The following MAS1 variants were observed in gnomAD, a reference collection of about 807,000 sequenced individuals.
MAS1 encodes the protein MAS1 proto-oncogene, G protein-coupled receptor, also known as proto-oncogene Mas.
For synonymous variants in MAS1, 163 were observed against 164.2 expected (o/e 0.99, Z 0.05); for missense variants, 387 against 409.7 (o/e 0.94, Z 0.48).
chr6:159,907,826 T>C lies in MAS1; in HGVS notation c.871T>C (p.Phe291Leu). 1.2e-6 allele frequency: 2 copies of C among 1,612,438 alleles called. No homozygotes were observed. The highest frequency in any genetic ancestry group is 1.7e-6 in the Non-Finnish European group (2 of 1,179,754). ...FFVGSSKKKR[F>L]KESLKVVLTR... ...TGTGGGAAGCAGTAAGAAGAAGAGA[T>C]TCAAGGAGTCCTTAAAAGTTGTTCT... is the stretch of plus-strand genomic sequence containing the variant. Residue 291 changes from phenylalanine to leucine, a missense_variant, in exon 3 of 3, where the codon TTC becomes CTC. Coordinates refer to ENST00000674077, the MANE Select transcript of MAS1 (RefSeq NM_002377.4).
chr6:159,909,462 C>T lies in MAS1; in HGVS notation c.*1529C>T, dbSNP rs1583216229. 1 of 152,178 alleles carries T rather than the reference C, an allele frequency of 6.6e-6. No individual in the cohort carries two copies. The highest frequency in any genetic ancestry group is 1.5e-5 in the Non-Finnish European group (1 of 68,042). The allele number at this position is 152,178 out of a possible 1,614,324, so 9.4% of individuals were successfully genotyped here. A position where few individuals can be genotyped will look rare whatever the true frequency, so the allele number is the denominator to read the frequency against. On this transcript the variant is annotated 3_prime_UTR_variant, in exon 3 of 3. Coordinates refer to ENST00000674077, the MANE Select transcript of MAS1 (RefSeq NM_002377.4). ...GGGGAGAGGAGTCTGTCCCCTCGAG[C>T]AAGGACCCCACTGCCAGCCAAGCTT... is the stretch of plus-strand genomic sequence containing the variant.
chr6:159,904,941 G>C (rs996821829), intron 2 of MAS1, among the ~76,000 whole-genome samples: 3 of 152,150 alleles, frequency 2.0e-5, no homozygotes, highest in Non-Finnish European at 4.4e-5. Context: ...GCTGGCCTCG[G>C]TCGCCTATTT....
At chr6:159,888,941 G>T (rs539700929), upstream of MAS1, among the ~76,000 whole-genome samples, 3 of 152,144 alleles carry the variant, frequency 2.0e-5, no homozygotes, top group Non-Finnish European at 4.4e-5. Flanking sequence ...TTTCTCTAAG[G>T]ATAAATCATT....
Position 159,891,262 on chromosome 6 carries a change from G to A in MAS1, c.-244+129G>A, listed in dbSNP as rs73781693. 5.0e-3 allele frequency among the ~76,000 whole-genome samples: 759 copies of A among 151,830 alleles called. 7 individuals carry two copies. The highest frequency in any genetic ancestry group is 0.018 in the African/African-American group (731 of 41,388). On this transcript the variant is annotated intron_variant, in intron 1 of 2. Coordinates refer to ENST00000674077, the MANE Select transcript of MAS1 (RefSeq NM_002377.4). ...GGTTTTTCTTTCTTTTATTTTTTTC[G>A]GTGTGTTAGATGTTTGCCGTTGGTG...
intron 2 of MAS1, among the ~76,000 whole-genome samples, chr6:159,901,066 C>A (rs1782816002): frequency 6.6e-6 from 1 of 152,200 alleles, no homozygotes. Flanking sequence ...TTGCAGAAGG[C>A]TGCCTTCTCC....
At chr6:159,897,116 C>T (rs1182127637) in intron 1 of MAS1, among the ~76,000 whole-genome samples, 4 of 152,190 alleles carry the variant, frequency 2.6e-5, no homozygotes, top group South Asian at 4.1e-4. Flanking sequence ...CCTTGTGATC[C>T]GCCCGCCTCG....
At chr6:159,906,233 G>A (rs547363452) in intron 2 of MAS1, among the ~76,000 whole-genome samples, 65 of 152,292 alleles carry the variant, frequency 4.3e-4, no homozygotes, top group South Asian at 2.1e-4. Context: ...ACGTACATAC[G>A]TCTTGTTAGG....
chr6:159,892,424 T>A (rs1405784442), intron 1 of MAS1, among the ~76,000 whole-genome samples: 1 of 152,172 alleles, frequency 6.6e-6, no homozygotes, highest in Non-Finnish European at 1.5e-5. Context: ...TGAGTTTTAT[T>A]GGCTTTTCTC....
intron 2 of MAS1, chr6:159,906,654 A>G: frequency 3.8e-6 from 1 of 262,182 alleles, no homozygotes; most frequent in Non-Finnish European, 7.3e-6. Flanking sequence ...CTAAGCCACA[A>G]GCACACAATG....
chr6:159,889,989 A>G (rs1344259917), upstream of MAS1, among the ~76,000 whole-genome samples: 1 of 152,078 alleles, frequency 6.6e-6, no homozygotes. Context: ...CTGCCTTCTT[A>G]CCCCTTTTGA....
At chr6:159,900,000 C>T (rs1413219385) in intron 2 of MAS1, among the ~76,000 whole-genome samples, 1 of 151,990 alleles carries the variant, frequency 6.6e-6, no homozygotes, top group East Asian at 1.9e-4. Context: ...GAGACGAGAT[C>T]GCGACACTGC....
intron 2 of MAS1, among the ~76,000 whole-genome samples, chr6:159,905,165 C>A (rs1290320850): frequency 6.6e-6 from 1 of 152,226 alleles, no homozygotes; most frequent in Non-Finnish European, 1.5e-5. Context: ...CTCCACCAGG[C>A]CGGCACTTTG....
In MAS1 at chr6:159,912,528, T is replaced by C. The variant is rs1782976131; in HGVS notation, c.*4595T>C. The C allele has an allele frequency of 1.3e-5, 2 of 152,240 alleles. No individual in the cohort carries two copies. The highest frequency in any genetic ancestry group is 4.1e-4 in the South Asian group (2 of 4,836). The allele number at this position is 152,240 out of a possible 1,614,324, so 9.4% of individuals were successfully genotyped here. A position where few individuals can be genotyped will look rare whatever the true frequency, so the allele number is the denominator to read the frequency against. On this transcript the variant is annotated 3_prime_UTR_variant, in exon 3 of 3. Coordinates refer to ENST00000674077, the MANE Select transcript of MAS1 (RefSeq NM_002377.4). ...GAGGTGGGAGCAATCAAGTATTTGCTTGCTTGATTCCACAAACAAGAAGCT... is the reference window on the plus strand; with the variant it reads ...GAGGTGGGAGCAATCAAGTATTTGCCTGCTTGATTCCACAAACAAGAAGCT...
At position 159,907,180 on chromosome 6, in the gene MAS1, C is replaced by T. The variant is rs374306384; in HGVS notation, c.225C>T (p.Ile75=). ...CTGTCTACATCACCCACCTGTCTAT[C>T]GCAGACATCTCACTGCTCTTCTGTA... The part of the protein sequence containing the change: ...PFTVYITHLS[I]ADISLLFCIF... Residue 75 remains isoleucine (I), a synonymous_variant, in exon 3 of 3, where the codon ATC becomes ATT. Coordinates refer to ENST00000674077, the MANE Select transcript of MAS1 (RefSeq NM_002377.4). 86 of 1,614,232 alleles carry T rather than the reference C, an allele frequency of 5.3e-5. No homozygotes were observed. The highest frequency in any genetic ancestry group is 3.3e-4 in the Middle Eastern group (2 of 6,062).
rs752123270 is a variant in MAS1 at position 159,907,058 on chromosome 6, G to A, written c.103G>A (p.Val35Met). 48 of 1,613,972 alleles carry A rather than the reference G, an allele frequency of 3.0e-5. No homozygotes were observed. The highest frequency in any genetic ancestry group is 4.0e-5 in the Non-Finnish European group (47 of 1,179,964). Residue 35 changes from valine (V) to methionine (M), a missense_variant, in exon 3 of 3, where the codon GTG (valine) becomes ATG (methionine). Val to Met is a conservative substitution (Grantham distance 21). Transcript: ENST00000674077. ...VGNAHRQIPI[V>M]HWVIMSISPV... ...GAATGCACATCGGCAAATCCCCATC[G>A]TGCACTGGGTCATTATGAGCATCTC... is the stretch of plus-strand genomic sequence containing the variant.
Position 159,914,464 on chromosome 6 carries a change from C to T in MAS1, c.*6531C>T, listed in dbSNP as rs111986428. ...CTTGCGGTGAGCACTGGAACTTAAA[C>T]ATTGCCCTGGAACTATATTGCTGCT... is the stretch of plus-strand genomic sequence containing the variant. On this transcript the variant is annotated 3_prime_UTR_variant, in exon 3 of 3. Transcript: ENST00000674077. 3.6e-4 allele frequency: 55 copies of T among 152,228 alleles called. No individual in the cohort carries two copies. The highest frequency in any genetic ancestry group is 1.1e-3 in the African/African-American group (45 of 41,458). 9.4% of individuals were successfully genotyped at this position (152,228 alleles called of 1,614,324 possible).
At chr6:159,902,625 G>A (rs1398225210) in intron 2 of MAS1, 1 of 152,196 alleles carries the variant, frequency 6.6e-6, no homozygotes, top group Non-Finnish European at 1.5e-5. Flanking sequence ...CCCACGTTGT[G>A]TTTCTGTTGG....
At position 159,916,806 on chromosome 6, in the gene MAS1, C is replaced by T. The variant is rs1252826871; in HGVS notation, c.*8873C>T. 2.6e-5 allele frequency among the ~76,000 whole-genome samples: 4 copies of T among 152,226 alleles called. No individual in the cohort carries two copies. Among genetic ancestry groups the T allele is most frequent in the South Asian group, 2.1e-4 (1 of 4,834 alleles). ...CGGATAGCAGCCACTCTTGGCTTTG[C>T]GGGCCGTACAGTCTGTGCTGCAATG... On this transcript the variant is annotated 3_prime_UTR_variant, in exon 3 of 3. Transcript: ENST00000674077.
rs1317220203 is a variant in MAS1, at chr6:159,910,539, G to A, written c.*2606G>A. On this transcript the variant is annotated 3_prime_UTR_variant, in exon 3 of 3. Transcript: ENST00000674077. ...ATTTGCTCGTTCTCTGTCTCTTCACGCTAGACTATAAGCTCCTTGAGGGCA... is the reference window on the plus strand; with the variant it reads ...ATTTGCTCGTTCTCTGTCTCTTCACACTAGACTATAAGCTCCTTGAGGGCA... The A allele has an allele frequency of 1.3e-5, 2 of 152,200 alleles. No individual in the cohort carries two copies. Among genetic ancestry groups the A allele is most frequent in the South Asian group, 2.1e-4 (1 of 4,826 alleles). The allele number at this position is 152,200 out of a possible 1,614,324, so 9.4% of individuals were successfully genotyped here. A position where few individuals can be genotyped will look rare whatever the true frequency, so the allele number is the denominator to read the frequency against.
Sources: allele counts gnomAD v4.1 joint callset (sites outside exome capture counted in the v4.1 genomes callset), GRCh38; gene constraint gnomAD v4.1.1; transcripts MANE v1.5; gene names NCBI Gene and HGNC (gene_info 2026-07-23, HGNC 2026-07-21).